The following PCDHA1 variants were observed in gnomAD, a reference collection of about 807,000 sequenced individuals.
PCDHA1 encodes the protein protocadherin alpha 1.
A neutral mutation model predicts 61.3 loss-of-function variants in PCDHA1; 42 were observed. The observed-to-expected ratio is 0.69, with a 90% CI of 0.54 to 0.89. The LOEUF (loss-of-function observed/expected upper bound fraction) is 0.89. PCDHA1 is among the 40% of genes least tolerant of loss of function. The probability of loss-of-function intolerance (pLI) is 0.00; values close to 1 mark genes in which losing one functional copy is unlikely to be tolerated. For synonymous variants in PCDHA1, 610 were observed against 553.8 expected, an observed-to-expected ratio of 1.10 and a Z score of -1.43; for missense variants, 1,256 against 1,235.3, an observed-to-expected ratio of 1.02 and a Z score of -0.25.
At chr5:140,873,843 T>C (rs2054523917) in intron 1 of PCDHA1, among the ~76,000 whole-genome samples, 1 of 152,144 alleles carries the variant, frequency 6.6e-6, no homozygotes, top group Non-Finnish European at 1.5e-5. Context: ...GTATTTTTAG[T>C]AGAGATGGGT....
chr5:140,858,202 A>T (rs782325182), intron 1 of PCDHA1: 5 of 1,597,020 alleles, frequency 3.1e-6, no homozygotes. Context: ...TGTACACTGC[A>T]CTGAGGTGCT....
intron 1 of PCDHA1, chr5:140,824,064 A>T: frequency 1.9e-6 from 3 of 1,614,110 alleles, no homozygotes; most frequent in South Asian, 2.2e-5. Context: ...GGGAAGCTCC[A>T]CCCAAAACAG....
chr5:140,857,427 C>G lies in PCDHA1; in HGVS notation c.2394+68743C>G, dbSNP rs781871079. On this transcript the variant is annotated intron_variant, in intron 1 of 3. Coordinates refer to ENST00000504120, the MANE Select transcript of PCDHA1 (RefSeq NM_018900.4). The stretch of plus-strand genomic sequence containing the variant: ...CCTGCGTTCGCGCAGTCCGAGTACA[C>G]GGTGTTCGTGAAGGAGAACAACCCG... 49 of 1,598,334 alleles carry G rather than the reference C, an allele frequency of 3.1e-5. 4 individuals carry two copies. The highest frequency in any genetic ancestry group is 3.9e-5 in the Non-Finnish European group (46 of 1,167,894).
At chr5:140,841,570 T>G in intron 1 of PCDHA1, 2 of 1,613,936 alleles carry the variant, frequency 1.2e-6, no homozygotes, top group Non-Finnish European at 8.5e-7. Context: ...AGAATGGCAT[T>G]TTGTTTGTGA....
chr5:140,980,252 A>C (rs993133768), intron 2 of PCDHA1, among the ~76,000 whole-genome samples: 6 of 152,188 alleles, frequency 3.9e-5, no homozygotes, highest in African/African-American at 1.4e-4. Context: ...CAATGGGTAA[A>C]AGCATGGTTT....
At chr5:140,859,250 T>C (rs952505479) in intron 1 of PCDHA1, 7 of 133,126 alleles carry the variant, frequency 5.3e-5, no homozygotes, top group African/African-American at 1.9e-4. Flanking sequence ...TGTTTAATAA[T>C]GAAGAGAATT....
chr5:140,923,110 A>G (rs2081174881), intron 1 of PCDHA1, among the ~76,000 whole-genome samples: 1 of 152,184 alleles, frequency 6.6e-6, no homozygotes, highest in South Asian at 2.1e-4. Flanking sequence ...TATGATTTTA[A>G]GTTTTTAGGG....
At chr5:140,795,065 C>G (rs1761911525) in intron 1 of PCDHA1, 1 of 1,613,970 alleles carries the variant, frequency 6.2e-7, no homozygotes, top group Non-Finnish European at 8.5e-7. Context: ...CTCCGCTACT[C>G]CGTCCCCGAG....
At chr5:141,001,971 G>C (rs1240624295) in intron 3 of PCDHA1, among the ~76,000 whole-genome samples, 2 of 152,186 alleles carry the variant, frequency 1.3e-5, no homozygotes, top group Admixed American at 1.3e-4. Flanking sequence ...GGGTGTCTCT[G>C]CGCGGAAAGC....
chr5:140,920,002 A>G (rs1260973070), intron 1 of PCDHA1, among the ~76,000 whole-genome samples: 1 of 152,230 alleles, frequency 6.6e-6, no homozygotes, highest in Non-Finnish European at 1.5e-5. Flanking sequence ...CACAGAGGAA[A>G]AGGCCATGCG....
rs376556447 is a variant in PCDHA1 at position 140,885,103 on chromosome 5, CT to C, written c.2395-93839del. On this transcript the variant is annotated intron_variant, in intron 1 of 3. Transcript: ENST00000504120. The stretch of plus-strand genomic sequence containing the variant: ...AGCCCCATAACTTTTCACATAAATG[CT>C]TTTTTTAAGTGCACTTTTCTTTCTT... Among the ~76,000 whole-genome samples the C allele has an allele frequency of 4.5e-3, 686 of 152,136 alleles. 2 individuals are homozygous for C. Among genetic ancestry groups the C allele is most frequent in the African/African-American group, 0.016 (664 of 41,518 alleles).
chr5:140,906,545 T>C (rs1477554651), intron 1 of PCDHA1, among the ~76,000 whole-genome samples: 2 of 152,256 alleles, frequency 1.3e-5, no homozygotes, highest in Admixed American at 6.5e-5. Context: ...TCCTCATTTC[T>C]GCAACTGGTT....
intron 1 of PCDHA1, among the ~76,000 whole-genome samples, chr5:140,971,149 G>C (rs2096459410): frequency 1.3e-5 from 2 of 152,200 alleles, no homozygotes; most frequent in Admixed American, 1.3e-4. Context: ...GAACAAGTCA[G>C]GCCAGGCTCA....
intron 1 of PCDHA1, chr5:140,825,029 A>C (rs1043200115): frequency 2.6e-5 from 4 of 152,092 alleles, no homozygotes; most frequent in Non-Finnish European, 4.4e-5. Context: ...AAAAGAATAC[A>C]GTTAAATTTT....
chr5:140,969,783 A>G (rs1293806015), intron 1 of PCDHA1, among the ~76,000 whole-genome samples: 1 of 152,228 alleles, frequency 6.6e-6, no homozygotes, highest in Non-Finnish European at 1.5e-5. Context: ...GGGCTATCAT[A>G]GTCACCACTA....
intron 1 of PCDHA1, among the ~76,000 whole-genome samples, chr5:140,960,384 A>G (rs1204813293): frequency 6.6e-6 from 1 of 152,198 alleles, no homozygotes. Flanking sequence ...GTGCCAAGAC[A>G]TTAGGATGCA....
intron 1 of PCDHA1, among the ~76,000 whole-genome samples, chr5:140,872,003 A>C (rs1314439086): frequency 2.0e-5 from 3 of 152,202 alleles, no homozygotes; most frequent in Non-Finnish European, 2.9e-5. Context: ...GGCTATTTAC[A>C]GGTGACCTGT....
intron 1 of PCDHA1, among the ~76,000 whole-genome samples, chr5:140,874,484 G>A (rs1438670057): frequency 6.6e-6 from 1 of 152,190 alleles, no homozygotes; most frequent in African/African-American, 2.4e-5. Context: ...AAAGCAAAAG[G>A]TTGATATCAA....
intron 1 of PCDHA1, among the ~76,000 whole-genome samples, chr5:140,885,103 C>G (rs1336980793): frequency 6.6e-6 from 1 of 152,018 alleles, no homozygotes; most frequent in Non-Finnish European, 1.5e-5. Context: ...CACATAAATG[C>G]TTTTTTTAAG....
Sources: gnomAD v4.1 joint callset for allele counts (sites outside exome capture counted in the v4.1 genomes callset) on GRCh38, gnomAD v4.1.1 for gene constraint, MANE v1.5 for transcripts, NCBI Gene and HGNC (gene_info 2026-07-23, HGNC 2026-07-21) for gene names.